KIAA0825: variants seen among roughly 807,000 people sequenced by gnomAD.
KIAA0825 encodes uncharacterized protein KIAA0825.
Under a neutral mutation model 147.6 loss-of-function variants are expected in KIAA0825, and 119 were observed. That is an observed-to-expected ratio of 0.81 (90% confidence interval 0.69 to 0.94). KIAA0825 has a LOEUF of 0.94. KIAA0825 is among the 40% of genes least tolerant of loss of function. The probability of loss-of-function intolerance (pLI) is 0.00; values close to 1 mark genes in which losing one functional copy is unlikely to be tolerated. For synonymous variants in KIAA0825, 470 were observed against 518.1 expected, an observed-to-expected ratio of 0.91 and a Z score of 1.26; for missense variants, 1,381 against 1,472.7, an observed-to-expected ratio of 0.94 and a Z score of 1.02.
chr5:94,388,239 T>C (rs1342107254), intron 18 of KIAA0825, among the ~76,000 whole-genome samples: 1 of 152,158 alleles, frequency 6.6e-6, no homozygotes. Context: ...GATATGACGA[T>C]AGGTGGAGCT....
intron 5 of KIAA0825, among the ~76,000 whole-genome samples, chr5:94,508,000 TAGTC>T (rs1197615392): frequency 6.6e-6 from 1 of 152,228 alleles, no homozygotes; most frequent in Non-Finnish European, 1.5e-5. Flanking sequence ...AGCATTCATC[TAGTC>T]AGTCTGTCTT....
intron 20 of KIAA0825, among the ~76,000 whole-genome samples, chr5:94,358,272 C>T (rs1187627857): frequency 6.6e-6 from 1 of 152,152 alleles, no homozygotes; most frequent in Non-Finnish European, 1.5e-5. Flanking sequence ...CGAATTCCCT[C>T]CCCAACCTCT....
intron 20 of KIAA0825, among the ~76,000 whole-genome samples, chr5:94,228,641 A>G (rs1013936773): frequency 5.3e-5 from 8 of 152,176 alleles, no homozygotes; most frequent in Admixed American, 3.9e-4. Flanking sequence ...AAAATCAGCA[A>G]TTCAGGTTTC....
At chr5:94,607,499 C>T (rs901320184) in intron 1 of KIAA0825, among the ~76,000 whole-genome samples, 24 of 152,078 alleles carry the variant, frequency 1.6e-4, no homozygotes, top group Non-Finnish European at 3.2e-4. Flanking sequence ...ATCCCAGCTA[C>T]TCAGGAGGCG....
At chr5:94,239,553 A>AT (rs1361025324) in intron 20 of KIAA0825, among the ~76,000 whole-genome samples, 2 of 152,168 alleles carry the variant, frequency 1.3e-5, no homozygotes, top group African/African-American at 4.8e-5. Flanking sequence ...CTATGCTGCA[A>AT]TATCATTTTG....
chr5:94,211,922 A>G (rs2150045787), intron 20 of KIAA0825, among the ~76,000 whole-genome samples: 1 of 152,320 alleles, frequency 6.6e-6, no homozygotes, highest in South Asian at 2.1e-4. Context: ...TTTAGAAATT[A>G]TGTGCCCATA....
At chr5:94,416,007 G>T (rs897900927) in intron 15 of KIAA0825, 1 of 152,106 alleles carries the variant, frequency 6.6e-6, no homozygotes, top group Non-Finnish European at 1.5e-5. Flanking sequence ...GAGGGTGGCA[G>T]AACTTTCAAG....
intron 1 of KIAA0825, chr5:94,594,744 T>G: frequency 1.6e-6 from 1 of 625,150 alleles, no homozygotes; most frequent in Non-Finnish European, 3.1e-6. Context: ...AAAGGATGCT[T>G]GGATGGACTA....
intron 20 of KIAA0825, among the ~76,000 whole-genome samples, chr5:94,320,237 T>C (rs1487962546): frequency 1.3e-5 from 2 of 152,026 alleles, no homozygotes; most frequent in African/African-American, 4.8e-5. Flanking sequence ...ATGGGGTACA[T>C]GTGATATTTT....
intron 15 of KIAA0825, among the ~76,000 whole-genome samples, 155 bp from the exon 16 acceptor site, chr5:94,403,948 T>C (rs1192086600): frequency 6.6e-6 from 1 of 151,650 alleles, no homozygotes; most frequent in Non-Finnish European, 1.5e-5. Context: ...AACCACCCCA[T>C]AAAACATTTT....
At chr5:94,491,257 T>C (rs1763700053) in intron 5 of KIAA0825, among the ~76,000 whole-genome samples, 1 of 152,114 alleles carries the variant, frequency 6.6e-6, no homozygotes, top group Admixed American at 6.5e-5. Flanking sequence ...CTACTGAAAG[T>C]CTTATTATTC....
At chr5:94,454,566 C>T (rs192958997) in intron 12 of KIAA0825, among the ~76,000 whole-genome samples, 4 of 152,122 alleles carry the variant, frequency 2.6e-5, no homozygotes, top group African/African-American at 9.7e-5. Flanking sequence ...GTAATATTTC[C>T]ATCCCATGTA....
In KIAA0825 at chr5:94,403,547, A is replaced by G. The variant is rs1425346849; in HGVS notation, c.2887+22T>C. On this transcript the variant is annotated intron_variant, in intron 16 of 20. Transcript: ENST00000682413. ...ATTGCTTCTTCAGGTGTATTTTCTTAAAGAGAAACAAGTGTACTTACTTTT... is the reference window on the plus strand; with the variant it reads ...ATTGCTTCTTCAGGTGTATTTTCTTGAAGAGAAACAAGTGTACTTACTTTT... 2.0e-6 allele frequency: 3 copies of G among 1,537,660 alleles called. No individual in the cohort carries two copies. The South Asian group carries it at 3.6e-5, about 18-fold the overall frequency.
chr5:94,271,950 A>G (rs140019976), intron 20 of KIAA0825, among the ~76,000 whole-genome samples: 2,511 of 152,224 alleles, frequency 0.016, 43 homozygotes, highest in Non-Finnish European at 0.026. Context: ...TAAAGGAAAT[A>G]TGGTGCATAT....
intron 20 of KIAA0825, among the ~76,000 whole-genome samples, chr5:94,242,694 C>T (rs535943490): frequency 1.1e-4 from 16 of 151,918 alleles, no homozygotes; most frequent in Non-Finnish European, 1.5e-4. Context: ...GCTGCCATCT[C>T]GGCTCACTGC....
intron 2 of KIAA0825, among the ~76,000 whole-genome samples, chr5:94,552,568 T>C (rs1381794155): frequency 6.6e-6 from 1 of 151,860 alleles, no homozygotes; most frequent in Admixed American, 6.6e-5. Flanking sequence ...CCTTTTCTTA[T>C]CACAATGGAA....
At chr5:94,224,106 T>G (rs1432378921) in intron 20 of KIAA0825, among the ~76,000 whole-genome samples, 1 of 130,966 alleles carries the variant, frequency 7.6e-6, no homozygotes, top group African/African-American at 3.1e-5. Flanking sequence ...TTTTTTTTTT[T>G]TTTTTGAGAA....
intron 20 of KIAA0825, among the ~76,000 whole-genome samples, chr5:94,172,432 A>G (rs1768710799): frequency 6.6e-6 from 1 of 152,240 alleles, no homozygotes; most frequent in Admixed American, 6.5e-5. Flanking sequence ...GATCTCATAG[A>G]CTAAGTATTA....
intron 20 of KIAA0825, among the ~76,000 whole-genome samples, chr5:94,295,891 G>C (rs1439796768): frequency 6.6e-6 from 1 of 152,200 alleles, no homozygotes; most frequent in Non-Finnish European, 1.5e-5. Flanking sequence ...CCAGTCAGGA[G>C]GCATGGAGGT....
Sources: allele counts gnomAD v4.1 joint callset (sites outside exome capture counted in the v4.1 genomes callset), GRCh38; gene constraint gnomAD v4.1.1; transcripts MANE v1.5; gene names NCBI Gene and HGNC (gene_info 2026-07-23, HGNC 2026-07-21).